Variants in HS2ST1 observed in about 807,000 individuals in gnomAD.
HS2ST1 encodes the protein 2-O-sulfotransferase.
A neutral mutation model predicts 42.9 loss-of-function variants in HS2ST1; 18 were observed. That is an observed-to-expected ratio of 0.42 (90% CI 0.29 to 0.62). The LOEUF is 0.62. Among genes scored for constraint, HS2ST1 ranks in the 20% least tolerant of loss-of-function variants. The pLI is 0.21. For synonymous variants in HS2ST1, 146 were observed against 152.9 expected, an observed-to-expected ratio of 0.95 and a Z score of 0.33; for missense variants, 334 against 433.8, an observed-to-expected ratio of 0.77 and a Z score of 2.04.
chr1:86,998,085 C>G (rs1191117318), intron 1 of HS2ST1, among the ~76,000 whole-genome samples: 1 of 152,162 alleles, frequency 6.6e-6, no homozygotes, highest in African/African-American at 2.4e-5. Context: ...GAAGGTAAGA[C>G]CTACTTAGAG....
intron 2 of HS2ST1, 21 bp from the exon 3 acceptor site, chr1:87,084,173 G>C (rs1464094421): frequency 1.4e-6 from 2 of 1,412,278 alleles, no homozygotes. Context: ...TGTATATAAT[G>C]AATGTGTTCT....
chr1:87,084,796 C>T (rs1395357908), intron 3 of HS2ST1, among the ~76,000 whole-genome samples: 1 of 151,316 alleles, frequency 6.6e-6, no homozygotes, highest in Non-Finnish European at 1.5e-5. Flanking sequence ...CCTTCTCCCT[C>T]TCTCCCTCTC....
intron 1 of HS2ST1, among the ~76,000 whole-genome samples, chr1:87,038,741 C>T (rs1228012775): frequency 6.6e-6 from 1 of 151,936 alleles, no homozygotes; most frequent in Admixed American, 6.6e-5. Context: ...CTTACATATA[C>T]GTGAAGTGAT....
chr1:87,074,183 G>T (rs1242914041), intron 2 of HS2ST1, among the ~76,000 whole-genome samples: 2 of 152,134 alleles, frequency 1.3e-5, no homozygotes, highest in Admixed American at 1.3e-4. Context: ...CAGAATCCTG[G>T]AGTACTCTTT....
In HS2ST1 at chr1:87,058,713, G is replaced by A. The variant is rs145597193; in HGVS notation, c.125-14221G>A. On this transcript the variant is annotated intron_variant, in intron 1 of 6. Coordinates refer to ENST00000370550, the MANE Select transcript of HS2ST1 (RefSeq NM_012262.4). ...ATTCATATCTCTGAGTCTAAATTCC[G>A]TAATGTTACCATATAGGATTATTGC... Among the ~76,000 whole-genome samples, 14 of 151,508 alleles carry A rather than the reference G, an allele frequency of 9.2e-5. 1 individual carries two copies. The highest frequency in any genetic ancestry group is 2.2e-4 in the African/African-American group (9 of 40,884).
chr1:86,926,480 A>G lies in HS2ST1; in HGVS notation c.124+11320A>G, dbSNP rs1333586794. On this transcript the variant is annotated intron_variant, in intron 1 of 6. Transcript: ENST00000370550. ...CTAGAAACTCTCTCAGGCAGTCATA[A>G]GACTCACTTCATTTCCTTTTTCTCA... Among the ~76,000 whole-genome samples, 5 of 152,340 alleles carry G rather than the reference A, an allele frequency of 3.3e-5. No homozygotes were observed. The East Asian group carries it at 9.6e-4, about 29-fold the overall frequency.
intron 1 of HS2ST1, among the ~76,000 whole-genome samples, chr1:86,951,522 A>C (rs1647517835): frequency 6.8e-6 from 1 of 147,630 alleles, no homozygotes; most frequent in African/African-American, 2.4e-5. Flanking sequence ...TATCTAAATT[A>C]AAATGTACTT....
chr1:86,955,784 G>A lies in HS2ST1; in HGVS notation c.124+40624G>A, dbSNP rs530940759. On this transcript the variant is annotated intron_variant, in intron 1 of 6. Transcript: ENST00000370550. ...CGGATTGCCTGAGTCCAGGAGTTTG[G>A]GACCAGCCTAGGCAACATAGCAAAA... Among the ~76,000 whole-genome samples the A allele has an allele frequency of 2.0e-5, 3 of 152,096 alleles. No homozygotes were observed. The South Asian group carries it at 6.2e-4, about 32-fold the overall frequency.
chr1:86,993,038 C>G, intron 1 of HS2ST1: 1 of 1,571,044 alleles, frequency 6.4e-7, no homozygotes, highest in South Asian at 1.2e-5. Flanking sequence ...ACAGAAGAGT[C>G]TTATGACTGG....
intron 1 of HS2ST1, among the ~76,000 whole-genome samples, chr1:87,041,240 AC>A (rs71719384): frequency 0.38 from 7,871 of 20,730 alleles, 1,098 homozygotes; most frequent in Non-Finnish European, 0.44. Flanking sequence ...AAAAAAAAAA[AC>A]AAAAAAAAAA....
Position 87,104,856 on chromosome 1 carries a change from C to G in HS2ST1, c.*160C>G, listed in dbSNP as rs1343194754. The G allele has an allele frequency of 3.6e-6, 2 of 562,370 alleles. No homozygotes were observed. Among genetic ancestry groups the G allele is most frequent in the Non-Finnish European group, 6.3e-6 (2 of 318,092 alleles). 34.8% of individuals were successfully genotyped at this position (562,370 alleles called of 1,614,324 possible). ...GTAACGTCAAGGAAGTAGATACTGG[C>G]TGGCATTGTCAGTGTTCTAAGTTTC... is the stretch of plus-strand genomic sequence containing the variant. On this transcript the variant is annotated 3_prime_UTR_variant, in exon 7 of 7. Transcript: ENST00000370550.
At chr1:87,011,915 T>C (rs1486179457) in intron 1 of HS2ST1, among the ~76,000 whole-genome samples, 1 of 152,216 alleles carries the variant, frequency 6.6e-6, no homozygotes, top group African/African-American at 2.4e-5. Context: ...TTTATTTATA[T>C]TGTTTAGTGG....
At chr1:86,995,299 G>A (rs1032695669) in intron 1 of HS2ST1, among the ~76,000 whole-genome samples, 2 of 152,066 alleles carry the variant, frequency 1.3e-5, no homozygotes, top group Non-Finnish European at 1.5e-5. Context: ...TGTAAAAATG[G>A]TTACCCATAT....
chr1:86,959,532 T>TCC (rs1647767213), intron 1 of HS2ST1, among the ~76,000 whole-genome samples: 3 of 151,934 alleles, frequency 2.0e-5, no homozygotes, highest in African/African-American at 7.3e-5. Flanking sequence ...GTGGTGCACG[T>TCC]CTGTAGTCCC....
intron 1 of HS2ST1, among the ~76,000 whole-genome samples, chr1:86,988,801 G>T (rs1398640331): frequency 2.0e-5 from 3 of 152,182 alleles, no homozygotes; most frequent in Non-Finnish European, 4.4e-5. Context: ...CCACCCAAAT[G>T]TGGAATTCTC....
At chr1:87,062,123 G>A (rs1651134443) in intron 1 of HS2ST1, among the ~76,000 whole-genome samples, 1 of 151,956 alleles carries the variant, frequency 6.6e-6, no homozygotes, top group South Asian at 2.1e-4. Flanking sequence ...ATACAGTGCT[G>A]TAAATTTCCC....
intron 1 of HS2ST1, among the ~76,000 whole-genome samples, chr1:87,005,054 GGATGGCAGTTGCATGTTTAAA>G (rs1417163018): frequency 1.3e-5 from 2 of 152,198 alleles, no homozygotes; most frequent in Non-Finnish European, 2.9e-5. Flanking sequence ...GCTTTCCACA[GGATGGCAGTTGCATGTTTAAA>G]GATAGTTATC....
chr1:86,947,656 C>G (rs1647381230), intron 1 of HS2ST1, among the ~76,000 whole-genome samples: 2 of 150,784 alleles, frequency 1.3e-5, no homozygotes, highest in Non-Finnish European at 2.9e-5. Context: ...AACAGTGTGC[C>G]TATCATAGGC....
intron 1 of HS2ST1, among the ~76,000 whole-genome samples, chr1:86,974,049 T>C (rs1222471092): frequency 6.6e-6 from 1 of 152,188 alleles, no homozygotes; most frequent in African/African-American, 2.4e-5. Context: ...TATTCTGTTT[T>C]AATATTTGGT....
Sources: allele counts gnomAD v4.1 joint callset (sites outside exome capture counted in the v4.1 genomes callset), GRCh38; gene constraint gnomAD v4.1.1; transcripts MANE v1.5; gene names NCBI Gene and HGNC (gene_info 2026-07-23, HGNC 2026-07-21).